The following BAZ1A variants were observed in gnomAD, a reference collection of about 807,000 sequenced individuals.
BAZ1A encodes bromodomain adjacent to zinc finger domain 1A.
BAZ1A carries 50 observed loss-of-function variants against 185.2 expected under a neutral mutation model. The ratio of observed to expected loss-of-function variants is 0.27; its 90% CI spans 0.22 to 0.34. BAZ1A has a LOEUF of 0.34. BAZ1A is among the 10% of genes least tolerant of loss of function. The probability of loss-of-function intolerance (pLI) is 1.00; values close to 1 mark genes in which losing one functional copy is unlikely to be tolerated. For synonymous variants in BAZ1A, 571 were observed against 615.6 expected (o/e 0.93, Z 1.07); for missense variants, 1,356 against 1,839.9 (o/e 0.74, Z 4.81).
intron 3 of BAZ1A, among the ~76,000 whole-genome samples, chr14:34,844,041 TA>T (rs33987428): frequency 0.98 from 146,360 of 149,248 alleles, 71,826 homozygotes; most frequent in East Asian, 1. Flanking sequence ...CCGTCTCTAC[TA>T]AAAAATACAA....
intron 3 of BAZ1A, among the ~76,000 whole-genome samples, chr14:34,835,542 G>T (rs1240787842): frequency 5.9e-5 from 9 of 151,886 alleles, no homozygotes; most frequent in Non-Finnish European, 1.3e-4. Flanking sequence ...GCAATGCGAG[G>T]CTCCTTAAAG....
intron 4 of BAZ1A, among the ~76,000 whole-genome samples, chr14:34,823,351 C>T (rs1164883865): frequency 7.0e-6 from 1 of 143,538 alleles, no homozygotes; most frequent in Non-Finnish European, 1.5e-5. Flanking sequence ...GAGACTCTGT[C>T]TCAAAAAAAA....
chr14:34,781,850 A>G (rs1218090067), intron 16 of BAZ1A, among the ~76,000 whole-genome samples: 3 of 152,224 alleles, frequency 2.0e-5, no homozygotes, highest in African/African-American at 7.2e-5. Flanking sequence ...GATAGCCTGT[A>G]TTAGAACTCC....
chr14:34,779,506 T>C (rs1036829903), intron 17 of BAZ1A, among the ~76,000 whole-genome samples: 1 of 152,084 alleles, frequency 6.6e-6, no homozygotes, highest in African/African-American at 2.4e-5. Flanking sequence ...ACAGCTTCCA[T>C]GATACAGGAA....
Position 34,776,255 on chromosome 14 carries a change from T to G in BAZ1A, c.2497A>C (p.Thr833Pro). The change falls in exon 18 of 27, where the codon ACT becomes CCT. Residue 833 changes from threonine to proline, a missense_variant. Thr to Pro is a conservative substitution (Grantham distance 38). Coordinates refer to ENST00000360310, the MANE Select transcript of BAZ1A (RefSeq NM_013448.3). The stretch of plus-strand genomic sequence containing the variant: ...GGTCTAGGCAACAGCATGTCTTCAG[T>G]AAGACCAGAATAATCCTCTTCAATA... ...LFIEEDYSGL[T>P]EDMLLPRPSS... 6.2e-7 allele frequency: 1 copy of G among 1,613,940 alleles called. No individual in the cohort carries two copies.
rs1382268099 is a variant in BAZ1A at position 34,753,489 on chromosome 14, A to G, written c.*19T>C. On this transcript the variant is annotated 3_prime_UTR_variant, in exon 27 of 27. Transcript: ENST00000360310. ...GAACAATTTGTTTTTCTTCAAATAT[A>G]TCCTTTAGAAGGACAAAGTCAGATT... The G allele has an allele frequency of 2.5e-6, 4 of 1,613,248 alleles. No individual in the cohort carries two copies. The highest frequency in any genetic ancestry group is 1.7e-5 in the Admixed American group (1 of 59,952).
intron 2 of BAZ1A, among the ~76,000 whole-genome samples, chr14:34,865,189 G>A (rs369486454): frequency 1.2e-4 from 18 of 152,140 alleles, no homozygotes; most frequent in African/African-American, 2.2e-4. Context: ...TCAAGGCTAC[G>A]GTGAGCCACA....
intron 3 of BAZ1A, among the ~76,000 whole-genome samples, chr14:34,845,900 A>G (rs1049691300): frequency 1.1e-4 from 17 of 151,524 alleles, no homozygotes; most frequent in Middle Eastern, 3.4e-3. Context: ...CTTTGATCTT[A>G]TATGGCCCAA....
At position 34,765,189 on chromosome 14, in the gene BAZ1A, G is replaced by A; in HGVS notation, c.3381C>T (p.Ser1127=). The A allele has an allele frequency of 1.2e-6, 2 of 1,614,046 alleles. No individual in the cohort carries two copies. The highest frequency in any genetic ancestry group is 1.7e-6 in the Non-Finnish European group (2 of 1,180,002). The change falls in exon 22 of 27, where the codon TCC becomes TCT. Residue 1127 remains serine, a synonymous_variant. Coordinates refer to ENST00000360310, the MANE Select transcript of BAZ1A (RefSeq NM_013448.3). ...RESLLSSASL[S]QVFLHLSTLD... ...AGGTGGATAGGTGAAGAAAAACTTG[G>A]GATAGACTAGCAGAAGAAAGGAGAG...
intron 21 of BAZ1A, among the ~76,000 whole-genome samples, chr14:34,766,011 T>A (rs1000236550): frequency 6.6e-6 from 1 of 152,236 alleles, no homozygotes; most frequent in Admixed American, 6.5e-5. Flanking sequence ...CCTACTATTA[T>A]TCTCAAATAA....
chr14:34,797,869 T>C (rs1023794854), intron 9 of BAZ1A, among the ~76,000 whole-genome samples: 1 of 152,218 alleles, frequency 6.6e-6, no homozygotes, highest in African/African-American at 2.4e-5. Context: ...AGGGCGGGCA[T>C]CGCCTCACCC....
chr14:34,861,820 A>G (rs895588417), intron 3 of BAZ1A, among the ~76,000 whole-genome samples: 15 of 152,208 alleles, frequency 9.9e-5, no homozygotes, highest in Non-Finnish European at 1.5e-5. Flanking sequence ...CATGTTATAT[A>G]TACACATACA....
At chr14:34,873,413 G>A (rs2042983564) in intron 2 of BAZ1A, among the ~76,000 whole-genome samples, 1 of 152,150 alleles carries the variant, frequency 6.6e-6, no homozygotes, top group Admixed American at 6.6e-5. Flanking sequence ...AACACAAGAC[G>A]CTAAAACACA....
At chr14:34,762,557 G>C (rs1461963146) in intron 23 of BAZ1A, among the ~76,000 whole-genome samples, 1 of 151,470 alleles carries the variant, frequency 6.6e-6, no homozygotes, top group African/African-American at 2.4e-5. Flanking sequence ...GCTCACTGCA[G>C]CCTGACCTCC....
At chr14:34,792,724 T>A (rs188242865) in intron 12 of BAZ1A, 51 bp downstream of exon 12, 18 of 1,587,046 alleles carry the variant, frequency 1.1e-5, no homozygotes. Flanking sequence ...CAAAAATTAG[T>A]TTCGCTACAA....
intron 2 of BAZ1A, among the ~76,000 whole-genome samples, chr14:34,872,913 T>TAAAAAAAAAAAAAAAAAAAA (rs35955993): frequency 1.3e-5 from 1 of 76,178 alleles, no homozygotes; most frequent in African/African-American, 7.0e-5. Context: ...TTTAAAATCC[T>TAAAAAAAAAAAAAAAAAAAA]AAAAAAAAAA....
chr14:34,780,295 T>A lies in BAZ1A; in HGVS notation c.2127A>T (p.Glu709Asp). Residue 709 changes from glutamate (E) to aspartate (D), a missense_variant, in exon 17 of 27, where the codon GAA becomes GAT. Glu to Asp is a conservative substitution (Grantham distance 45). Transcript: ENST00000360310. ...TGCTCTCAATGCTAGTATCAAAATC[T>A]TCCCTTTCTTCCTCCCTTTAGGATA... Reference protein sequence around the residue: ...ADISIGEEEREDFDTSIESKD... With the variant: ...ADISIGEEERDDFDTSIESKD... 6.2e-7 allele frequency: 1 copy of A among 1,611,260 alleles called. No individual in the cohort carries two copies.
chr14:34,834,760 C>A (rs1047595096), intron 3 of BAZ1A, among the ~76,000 whole-genome samples: 1 of 152,114 alleles, frequency 6.6e-6, no homozygotes, highest in African/African-American at 2.4e-5. Context: ...TCTTTCACAG[C>A]TACTTGCTAC....
intron 6 of BAZ1A, among the ~76,000 whole-genome samples, chr14:34,805,020 T>C (rs975391315): frequency 6.6e-6 from 1 of 152,198 alleles, no homozygotes; most frequent in Non-Finnish European, 1.5e-5. Flanking sequence ...GACTGAATCA[T>C]GGAGCAGGCT....
Sources: gnomAD v4.1 joint callset for allele counts (sites outside exome capture counted in the v4.1 genomes callset) on GRCh38, gnomAD v4.1.1 for gene constraint, MANE v1.5 for transcripts, NCBI Gene and HGNC (gene_info 2026-07-23, HGNC 2026-07-21) for gene names.